Variants in DOCK3 observed in about 807,000 individuals in gnomAD.
The protein encoded by DOCK3 is dedicator of cytokinesis 3, also known as dedicator of cytokinesis protein 3.
Under a neutral mutation model 265.6 loss-of-function variants are expected in DOCK3, and 60 were observed. That is an observed-to-expected ratio of 0.23 (90% CI 0.18 to 0.28). DOCK3 has a LOEUF of 0.28. Among genes scored for constraint, DOCK3 ranks in the 10% least tolerant of loss-of-function variants. DOCK3 has a pLI of 1.00. For missense variants in DOCK3, 1,981 were observed against 2,594.3 expected, an observed-to-expected ratio of 0.76 and a Z score of 5.14; for synonymous variants, 881 against 938.0, an observed-to-expected ratio of 0.94 and a Z score of 1.11.
chr3:50,724,163 T>G (rs1397628055), intron 1 of DOCK3, among the ~76,000 whole-genome samples: 1 of 150,668 alleles, frequency 6.6e-6, no homozygotes, highest in African/African-American at 2.4e-5. Flanking sequence ...TCATGCCAGT[T>G]AGAATGGCGA....
At chr3:50,764,772 A>AC (rs2040759864) in intron 1 of DOCK3, among the ~76,000 whole-genome samples, 1 of 152,030 alleles carries the variant, frequency 6.6e-6, no homozygotes, top group Non-Finnish European at 1.5e-5. Context: ...ACATGACGAG[A>AC]CCCCATCTCT....
intron 5 of DOCK3, among the ~76,000 whole-genome samples, chr3:50,973,075 C>T (rs1395546221): frequency 7.0e-4 from 5 of 7,142 alleles, no homozygotes; most frequent in African/African-American, 1.6e-3. Flanking sequence ...TTTTTTTTTG[C>T]AGTTCCAACC....
At chr3:51,289,829 A>G (rs1157631963) in intron 27 of DOCK3, among the ~76,000 whole-genome samples, 2 of 152,214 alleles carry the variant, frequency 1.3e-5, no homozygotes, top group African/African-American at 4.8e-5. Flanking sequence ...AAAGAACTCA[A>G]ACAAATTTAC....
At chr3:50,892,606 C>T (rs1247722138) in intron 4 of DOCK3, among the ~76,000 whole-genome samples, 1 of 152,094 alleles carries the variant, frequency 6.6e-6, no homozygotes, top group Non-Finnish European at 1.5e-5. Flanking sequence ...GCTTGAATGA[C>T]CTCTTTCTAT....
chr3:51,045,419 C>T (rs1376795269), intron 5 of DOCK3, among the ~76,000 whole-genome samples: 1 of 152,100 alleles, frequency 6.6e-6, no homozygotes, highest in African/African-American at 2.4e-5. Context: ...TCACTGATCA[C>T]ACACAGTTCA....
At chr3:51,019,017 C>G (rs2079476545) in intron 5 of DOCK3, among the ~76,000 whole-genome samples, 1 of 151,762 alleles carries the variant, frequency 6.6e-6, no homozygotes, top group Non-Finnish European at 1.5e-5. Context: ...TAGGCATGAG[C>G]TACCACCACA....
chr3:51,265,290 C>T (rs920523591), intron 23 of DOCK3, among the ~76,000 whole-genome samples: 1 of 152,174 alleles, frequency 6.6e-6, no homozygotes, highest in Admixed American at 6.5e-5. Flanking sequence ...GAGGTGATAC[C>T]ATTCCTTCTG....
chr3:50,881,666 A>G (rs1439593561), intron 3 of DOCK3, among the ~76,000 whole-genome samples: 1 of 152,230 alleles, frequency 6.6e-6, no homozygotes, highest in Non-Finnish European at 1.5e-5. Flanking sequence ...GGAAGAATCA[A>G]TATCGTGAAA....
chr3:50,835,730 G>T (rs537975829), intron 2 of DOCK3, among the ~76,000 whole-genome samples: 1 of 152,236 alleles, frequency 6.6e-6, no homozygotes, highest in East Asian at 1.9e-4. Context: ...AAAATTAAGG[G>T]TTCCATTTTT....
chr3:50,687,026 A>G (rs1228043834), intron 1 of DOCK3, among the ~76,000 whole-genome samples: 1 of 151,790 alleles, frequency 6.6e-6, no homozygotes, highest in Non-Finnish European at 1.5e-5. Context: ...CCTGGCCAAC[A>G]TGGTGAAACC....
intron 5 of DOCK3, among the ~76,000 whole-genome samples, chr3:50,940,803 G>C (rs1261307068): frequency 6.6e-6 from 1 of 151,976 alleles, no homozygotes; most frequent in African/African-American, 2.4e-5. Flanking sequence ...TTTTGACAAA[G>C]GTACAAAAGC....
At chr3:51,103,508 A>G (rs567339297) in intron 9 of DOCK3, among the ~76,000 whole-genome samples, 1 of 152,330 alleles carries the variant, frequency 6.6e-6, no homozygotes, top group Admixed American at 6.5e-5. Context: ...TGTCATTTCT[A>G]ATAAATCTAC....
At chr3:51,086,376 C>T (rs946245832) in intron 7 of DOCK3, among the ~76,000 whole-genome samples, 4 of 152,226 alleles carry the variant, frequency 2.6e-5, no homozygotes, top group East Asian at 3.8e-4. Context: ...ATGAACATGT[C>T]GCAGTGCTGC....
intron 2 of DOCK3, among the ~76,000 whole-genome samples, chr3:50,812,835 A>G (rs1316258773): frequency 6.6e-6 from 1 of 152,234 alleles, no homozygotes; most frequent in African/African-American, 2.4e-5. Context: ...TTGACACATA[A>G]TAGTAACCAT....
In DOCK3 at chr3:51,237,474, T is replaced by C. The variant is rs1014304132; in HGVS notation, c.2002-16T>C. 1 of 1,581,098 alleles carries C rather than the reference T, an allele frequency of 6.3e-7. No individual in the cohort carries two copies. The highest frequency in any genetic ancestry group is 8.7e-7 in the Non-Finnish European group (1 of 1,151,696). ...CCTCCAGTGAACCCTGATGGCTTAC[T>C]CTCCATATCTCCCAGGTGTTCATCA... On this transcript the variant is annotated splice_polypyrimidine_tract_variant and intron_variant, in intron 20 of 52. Transcript: ENST00000266037.
intron 22 of DOCK3, among the ~76,000 whole-genome samples, chr3:51,248,527 T>C (rs1335985114): frequency 1.3e-5 from 2 of 152,146 alleles, no homozygotes; most frequent in Non-Finnish European, 2.9e-5. Context: ...TGCAGTGGCG[T>C]GATCTCGGCT....
chr3:51,010,159 T>C (rs1490337892), intron 5 of DOCK3, among the ~76,000 whole-genome samples: 3 of 152,120 alleles, frequency 2.0e-5, no homozygotes, highest in African/African-American at 4.8e-5. Flanking sequence ...CTGAGTTCAG[T>C]TCCTGGATAT....
chr3:51,233,892 A>G (rs1455604183), intron 19 of DOCK3, among the ~76,000 whole-genome samples: 2 of 152,148 alleles, frequency 1.3e-5, no homozygotes, highest in East Asian at 1.9e-4. Context: ...GATTGTTTCC[A>G]TATCTTAGCT....
At chr3:50,938,173 G>T (rs1486817343) in intron 5 of DOCK3, among the ~76,000 whole-genome samples, 12 of 151,862 alleles carry the variant, frequency 7.9e-5, no homozygotes, top group African/African-American at 2.7e-4. Context: ...TCAGAGCAAA[G>T]AAAACTACCA....
Sources: allele counts gnomAD v4.1 joint callset (sites outside exome capture counted in the v4.1 genomes callset), GRCh38; gene constraint gnomAD v4.1.1; transcripts MANE v1.5; gene names NCBI Gene and HGNC (gene_info 2026-07-23, HGNC 2026-07-21).